Variants in KCNQ1 observed in about 807,000 individuals in gnomAD.
KCNQ1 encodes the protein potassium voltage-gated channel subfamily KQT member 1.
A neutral mutation model predicts 72.4 loss-of-function variants in KCNQ1; 49 were observed. The ratio of observed to expected loss-of-function variants is 0.68; its 90% CI spans 0.54 to 0.86. The LOEUF (loss-of-function observed/expected upper bound fraction) is 0.86. Ranked by LOEUF, KCNQ1 falls within the 40% of genes least tolerant of loss-of-function variation. The probability of loss-of-function intolerance (pLI) is 0.00; values close to 1 mark genes in which losing one functional copy is unlikely to be tolerated. For missense variants in KCNQ1, 790 were observed against 945.1 expected (o/e 0.84, Z 2.15); for synonymous variants, 450 against 412.6 (o/e 1.09, Z -1.10).
intron 15 of KCNQ1, among the ~76,000 whole-genome samples, chr11:2,845,847 C>T (rs1156649969): frequency 2.6e-5 from 4 of 152,148 alleles, no homozygotes; most frequent in African/African-American, 7.2e-5. Context: ...CTCAGGCAGG[C>T]GCCCCCCTCT....
chr11:2,702,521 C>G (rs1426026674), intron 11 of KCNQ1, among the ~76,000 whole-genome samples: 1 of 152,154 alleles, frequency 6.6e-6, no homozygotes, highest in African/African-American at 2.4e-5. Flanking sequence ...GAAAATTGAG[C>G]TTATTTGGTC....
At chr11:2,790,903 C>T (rs904815723) in intron 15 of KCNQ1, among the ~76,000 whole-genome samples, 1 of 152,212 alleles carries the variant, frequency 6.6e-6, no homozygotes, top group Non-Finnish European at 1.5e-5. Context: ...CCAGGTCTTG[C>T]TTTCCCCAGC....
In KCNQ1 at chr11:2,550,883, G is replaced by C. The variant is rs980116864; in HGVS notation, c.478-19745G>C. Reference sequence around the variant, plus strand: ...GTGCCTGGGGAGGCTGCCAAGTGAGGGGGGGGCACAGACTGAGACAGGGTC... The same window carrying C: ...GTGCCTGGGGAGGCTGCCAAGTGAGCGGGGGGCACAGACTGAGACAGGGTC... On this transcript the variant is annotated intron_variant, in intron 2 of 15. Transcript: ENST00000155840. This position sits in a 1 kb window ranked among gnomAD's most constrained non-coding sequence, Gnocchi z 6.0. Among the ~76,000 whole-genome samples, 2 of 151,594 alleles carry C rather than the reference G, an allele frequency of 1.3e-5. No individual in the cohort carries two copies. The highest frequency in any genetic ancestry group is 2.1e-4 in the South Asian group (1 of 4,824).
chr11:2,583,326 G>A (rs914286279), intron 6 of KCNQ1, 109 bp from the exon 7 acceptor site: 1 of 801,534 alleles, frequency 1.2e-6, no homozygotes, highest in African/African-American at 1.7e-5. Context: ...GGTGGTCAGG[G>A]TCTCTTGCCG....
intron 6 of KCNQ1, among the ~76,000 whole-genome samples, chr11:2,578,761 C>G (rs1030944827): frequency 3.9e-5 from 6 of 152,374 alleles, no homozygotes; most frequent in Non-Finnish European, 8.8e-5. Context: ...CACGGGCAGG[C>G]TGGGCTCTCG....
intron 11 of KCNQ1, among the ~76,000 whole-genome samples, chr11:2,716,959 A>T (rs1169472572): frequency 6.6e-6 from 1 of 152,148 alleles, no homozygotes; most frequent in Non-Finnish European, 1.5e-5. Flanking sequence ...GAGTACAGGA[A>T]CCTCAGTGGT....
rs966648232 is a variant in KCNQ1 at position 2,516,470 on chromosome 11, G to C, written c.387-11458G>C. On this transcript the variant is annotated intron_variant, in intron 1 of 15. Coordinates refer to ENST00000155840, the MANE Select transcript of KCNQ1 (RefSeq NM_000218.3). This position sits in a 1 kb window ranked among gnomAD's most constrained non-coding sequence, Gnocchi z 7.0. ...GTTCCTGTTTGAATTCTCAATCTCCGGGCTCAAAATTGGCCCCCAGAAAGC... is the reference window on the plus strand; with the variant it reads ...GTTCCTGTTTGAATTCTCAATCTCCCGGCTCAAAATTGGCCCCCAGAAAGC... Among the ~76,000 whole-genome samples, 6 of 152,068 alleles carry C rather than the reference G, an allele frequency of 3.9e-5. No homozygotes were observed. The highest frequency in any genetic ancestry group is 7.4e-5 in the Non-Finnish European group (5 of 68,008).
chr11:2,737,050 CA>C (rs1015067502), intron 11 of KCNQ1, among the ~76,000 whole-genome samples: 2 of 152,168 alleles, frequency 1.3e-5, no homozygotes, highest in Non-Finnish European at 2.9e-5. Flanking sequence ...GAGGAGGAGC[CA>C]GGGGTACCAC....
In KCNQ1 at chr11:2,698,090, A is replaced by T. The variant is rs939007316; in HGVS notation, c.1514+36009A>T. On this transcript the variant is annotated intron_variant, in intron 11 of 15. Coordinates refer to ENST00000155840, the MANE Select transcript of KCNQ1 (RefSeq NM_000218.3). The surrounding 1 kb of genome is among the most constrained non-coding windows in gnomAD (Gnocchi z 5.1). ...CCTGCTTTCCTTCAAGTACTGACTG[A>T]GTAAGGCTGTGTATCAGGCTCTTGG... 4 of 398,540 alleles carry T rather than the reference A, an allele frequency of 1.0e-5. No individual in the cohort carries two copies. Among genetic ancestry groups the T allele is most frequent in the African/African-American group, 8.2e-5 (4 of 48,642 alleles). 24.7% of individuals were successfully genotyped at this position (398,540 alleles called of 1,614,324 possible). A position where few individuals can be genotyped will look rare whatever the true frequency, so the allele number is the denominator to read the frequency against.
rs962401283 is a variant in KCNQ1 at position 2,759,426 on chromosome 11, G to A, written c.1515-9418G>A. On this transcript the variant is annotated intron_variant, in intron 11 of 15. Coordinates refer to ENST00000155840, the MANE Select transcript of KCNQ1 (RefSeq NM_000218.3). This position sits in a 1 kb window ranked among gnomAD's most constrained non-coding sequence, Gnocchi z 4.4. Reference sequence around the variant, plus strand: ...CAAGCCTGCATGTGTGCAGAGGGCAGGGGTCCCCAGGGGATGTTCCTTCCC... The same window carrying A: ...CAAGCCTGCATGTGTGCAGAGGGCAAGGGTCCCCAGGGGATGTTCCTTCCC... 6.6e-6 allele frequency among the ~76,000 whole-genome samples: 1 copy of A among 152,176 alleles called. No homozygotes were observed. The highest frequency in any genetic ancestry group is 2.4e-5 in the African/African-American group (1 of 41,442).
At chr11:2,773,768 A>G (rs12790610) in intron 12 of KCNQ1, among the ~76,000 whole-genome samples, 10,033 of 145,380 alleles carry the variant, frequency 0.069, 497 homozygotes, top group East Asian at 0.21. Flanking sequence ...TACAGAAAGG[A>G]GAATCAAGGC....
chr11:2,840,834 G>C (rs916950478), intron 15 of KCNQ1, among the ~76,000 whole-genome samples: 1 of 152,196 alleles, frequency 6.6e-6, no homozygotes, highest in South Asian at 2.1e-4. Flanking sequence ...CCCTGGGAGG[G>C]AGTGGGCTTG....
intron 11 of KCNQ1, among the ~76,000 whole-genome samples, chr11:2,719,507 A>G (rs1293857658): frequency 6.6e-6 from 1 of 152,136 alleles, no homozygotes; most frequent in African/African-American, 2.4e-5. Context: ...AAACAAAAAA[A>G]AAAACCATTA....
intron 15 of KCNQ1, among the ~76,000 whole-genome samples, chr11:2,842,753 C>T (rs570508663): frequency 2.0e-5 from 3 of 152,206 alleles, no homozygotes; most frequent in Non-Finnish European, 4.4e-5. Flanking sequence ...TGCAACTGTA[C>T]GTGCACTCTA....
intron 2 of KCNQ1, among the ~76,000 whole-genome samples, chr11:2,553,464 A>G (rs1030773491): frequency 6.6e-6 from 1 of 151,936 alleles, no homozygotes; most frequent in African/African-American, 2.4e-5. Context: ...GGGAATAGAG[A>G]GTGCGTCAAG....
intron 10 of KCNQ1, chr11:2,655,836 C>A (rs1849837181): frequency 5.0e-6 from 2 of 398,662 alleles, no homozygotes; most frequent in Non-Finnish European, 8.8e-6. Context: ...CAGACAATAA[C>A]CTCTCCTCTT....
At position 2,653,497 on chromosome 11, in the gene KCNQ1, G is replaced by C; in HGVS notation, c.1394-8464G>C. 1 of 398,662 alleles carries C rather than the reference G, an allele frequency of 2.5e-6. No individual in the cohort carries two copies. The highest frequency in any genetic ancestry group is 4.4e-6 in the Non-Finnish European group (1 of 226,126). The allele number at this position is 398,662 out of a possible 1,614,324, so 24.7% of individuals were successfully genotyped here. A position where few individuals can be genotyped will look rare whatever the true frequency, so the allele number is the denominator to read the frequency against. ...CTGTTTCAGACACAGCTGGACCCCA[G>C]AGCTGAGATGATCTTGCTCACTTGC... On this transcript the variant is annotated intron_variant, in intron 10 of 15. Transcript: ENST00000155840. This position sits in a 1 kb window ranked among gnomAD's most constrained non-coding sequence, Gnocchi z 5.3.
chr11:2,701,695 A>G (rs777911884), intron 11 of KCNQ1, among the ~76,000 whole-genome samples: 2 of 152,208 alleles, frequency 1.3e-5, no homozygotes, highest in Non-Finnish European at 2.9e-5. Context: ...CTCAGGACAG[A>G]TTATCAGCTG....
At chr11:2,727,437 C>G (rs887856421) in intron 11 of KCNQ1, among the ~76,000 whole-genome samples, 1 of 152,182 alleles carries the variant, frequency 6.6e-6, no homozygotes, top group South Asian at 2.1e-4. Context: ...AGGCCTTGTG[C>G]AGGAACATGG....
Sources: gnomAD v4.1 joint callset for allele counts (sites outside exome capture counted in the v4.1 genomes callset) on GRCh38, gnomAD v4.1.1 for gene constraint, Gnocchi (gnomAD v3.1) non-coding constraint, MANE v1.5 for transcripts, NCBI Gene and HGNC (gene_info 2026-07-23, HGNC 2026-07-21) for gene names.